EPHA3: variants seen among roughly 807,000 people sequenced by gnomAD.
EPHA3 encodes ephrin type-A receptor 3.
A neutral mutation model predicts 107.1 loss-of-function variants in EPHA3; 42 were observed. That is an observed-to-expected ratio of 0.39 (90% CI 0.31 to 0.51). The LOEUF (loss-of-function observed/expected upper bound fraction) is 0.51, where lower values mean the gene tolerates loss of function less well. Ranked by LOEUF, EPHA3 falls within the 20% of genes least tolerant of loss-of-function variation. The pLI is 0.78. For missense variants in EPHA3, 1,183 were observed against 1,211.2 expected, an observed-to-expected ratio of 0.98 and a Z score of 0.35; for synonymous variants, 461 against 424.8, an observed-to-expected ratio of 1.09 and a Z score of -1.05.
intron 2 of EPHA3, among the ~76,000 whole-genome samples, chr3:89,186,797 A>G (rs1212831380): frequency 5.2e-4 from 79 of 152,134 alleles, no homozygotes; most frequent in Non-Finnish European, 5.9e-5. Context: ...TCTATAGGAA[A>G]TTCCATTATG....
At chr3:89,211,737 CTT>C (rs1269680131) in intron 3 of EPHA3, among the ~76,000 whole-genome samples, 8 of 10,284 alleles carry the variant, frequency 7.8e-4, no homozygotes, top group Non-Finnish European at 1.3e-3. Flanking sequence ...TCTTCTTCTT[CTT>C]CTCCTTCTTC....
At chr3:89,125,623 A>G (rs968945758) in intron 1 of EPHA3, among the ~76,000 whole-genome samples, 1 of 151,732 alleles carries the variant, frequency 6.6e-6, no homozygotes, top group Admixed American at 6.6e-5. Flanking sequence ...ATTTAAATAC[A>G]ATTACTTCTA....
chr3:89,247,408 CA>C lies in EPHA3; in HGVS notation c.814+36890del, dbSNP rs577817915. Among the ~76,000 whole-genome samples, 366 of 152,046 alleles carry C rather than the reference CA, an allele frequency of 2.4e-3. 1 individual carries two copies. The highest frequency in any genetic ancestry group is 8.2e-3 in the African/African-American group (341 of 41,400). On this transcript the variant is annotated intron_variant, in intron 3 of 16. Transcript: ENST00000336596. The stretch of plus-strand genomic sequence containing the variant: ...TCTGAAGGTAATAATAAGGTTTAAG[CA>C]AGGGAAGTATTTGGTATTGCTGAAA...
intron 2 of EPHA3, among the ~76,000 whole-genome samples, chr3:89,175,053 G>GA (rs1054953529): frequency 1.3e-5 from 2 of 148,290 alleles, no homozygotes; most frequent in Non-Finnish European, 3.0e-5. Flanking sequence ...GTTTGGTAAA[G>GA]AAAAAAAGTG....
chr3:89,440,945 T>A (rs1709770417), intron 13 of EPHA3, among the ~76,000 whole-genome samples: 2 of 152,244 alleles, frequency 1.3e-5, no homozygotes, highest in African/African-American at 4.8e-5. Context: ...TCCTTGATAC[T>A]CATGTAGGTT....
chr3:89,317,267 G>T (rs955536823), intron 3 of EPHA3, among the ~76,000 whole-genome samples: 1 of 151,682 alleles, frequency 6.6e-6, no homozygotes, highest in Non-Finnish European at 1.5e-5. Context: ...AACTCACTAG[G>T]TTTATCAGCT....
intron 15 of EPHA3, among the ~76,000 whole-genome samples, chr3:89,469,100 T>C (rs1710349993): frequency 6.6e-6 from 1 of 152,154 alleles, no homozygotes; most frequent in Non-Finnish European, 1.5e-5. Context: ...TGAGAGTTAG[T>C]AAAACTAAAC....
At chr3:89,141,040 C>T (rs1461541593) in intron 2 of EPHA3, among the ~76,000 whole-genome samples, 2 of 151,492 alleles carry the variant, frequency 1.3e-5, no homozygotes, top group Non-Finnish European at 3.0e-5. Context: ...TTAAATAAAT[C>T]GAACAAATTC....
At chr3:89,231,807 G>T (rs1424514890) in intron 3 of EPHA3, among the ~76,000 whole-genome samples, 1 of 152,154 alleles carries the variant, frequency 6.6e-6, no homozygotes, top group Non-Finnish European at 1.5e-5. Flanking sequence ...TGTGACATGG[G>T]AGTCTTCAGA....
chr3:89,255,763 TGGTGGC>T (rs1705270256), intron 3 of EPHA3, among the ~76,000 whole-genome samples: 1 of 151,914 alleles, frequency 6.6e-6, no homozygotes, highest in Admixed American at 6.6e-5. Context: ...TAGCCAGGCA[TGGTGGC>T]ACATCCCTGT....
chr3:89,396,832 A>T (rs1431531633), intron 6 of EPHA3, among the ~76,000 whole-genome samples: 1 of 152,222 alleles, frequency 6.6e-6, no homozygotes, highest in African/African-American at 2.4e-5. Context: ...ATTTCTGTGG[A>T]CATTACTTAA....
At chr3:89,261,394 G>A (rs1379548295) in intron 3 of EPHA3, among the ~76,000 whole-genome samples, 3 of 152,098 alleles carry the variant, frequency 2.0e-5, no homozygotes, top group Non-Finnish European at 4.4e-5. Flanking sequence ...TGCACTGAGA[G>A]CTGTTTCCTT....
chr3:89,290,804 C>G (rs928462559), intron 3 of EPHA3, among the ~76,000 whole-genome samples: 3 of 152,100 alleles, frequency 2.0e-5, no homozygotes, highest in African/African-American at 7.2e-5. Context: ...CTTTTGAGCA[C>G]TCAACTCTTT....
chr3:89,405,791 T>A (rs1400452622), intron 7 of EPHA3, among the ~76,000 whole-genome samples: 1 of 152,106 alleles, frequency 6.6e-6, no homozygotes, highest in African/African-American at 2.4e-5. Flanking sequence ...CATATGCAAA[T>A]AAGAGCATAA....
At chr3:89,144,877 A>G (rs144862038) in intron 2 of EPHA3, among the ~76,000 whole-genome samples, 3 of 151,852 alleles carry the variant, frequency 2.0e-5, no homozygotes, top group East Asian at 1.9e-4. Flanking sequence ...TAATTTACCA[A>G]TTGAAATATA....
intron 2 of EPHA3, among the ~76,000 whole-genome samples, chr3:89,208,722 A>G (rs1274570203): frequency 6.6e-6 from 1 of 152,130 alleles, no homozygotes; most frequent in Non-Finnish European, 1.5e-5. Context: ...CAATAATATA[A>G]TATGTGGAAA....
chr3:89,442,596 C>T (rs1455519028), intron 13 of EPHA3, among the ~76,000 whole-genome samples: 1 of 152,136 alleles, frequency 6.6e-6, no homozygotes, highest in East Asian at 1.9e-4. Context: ...AAAGAATGAT[C>T]TCGGGTGAAA....
chr3:89,115,761 T>C (rs1023889809), intron 1 of EPHA3, among the ~76,000 whole-genome samples: 2 of 152,136 alleles, frequency 1.3e-5, no homozygotes. Context: ...CTGAGGAAAC[T>C]GAGAAAATGG....
intron 2 of EPHA3, among the ~76,000 whole-genome samples, chr3:89,155,376 G>A (rs1704777070): frequency 6.6e-6 from 1 of 151,862 alleles, no homozygotes; most frequent in African/African-American, 2.4e-5. Flanking sequence ...GCATTTAGTG[G>A]GTGTATACCT....
Sources: gnomAD v4.1 joint callset for allele counts (sites outside exome capture counted in the v4.1 genomes callset) on GRCh38, gnomAD v4.1.1 for gene constraint, MANE v1.5 for transcripts, NCBI Gene and HGNC (gene_info 2026-07-23, HGNC 2026-07-21) for gene names.